Variants in ZMYM2 observed in about 807,000 individuals in gnomAD.
ZMYM2 encodes zinc finger MYM-type protein 2.
A neutral mutation model predicts 162.8 loss-of-function variants in ZMYM2; 56 were observed. That is an observed-to-expected ratio of 0.34 (90% CI 0.28 to 0.43). ZMYM2 has a LOEUF of 0.43. Among genes scored for constraint, ZMYM2 ranks in the 20% least tolerant of loss-of-function variants. The pLI, the probability that ZMYM2 is intolerant of heterozygous loss-of-function variation, is 1.00. For missense variants in ZMYM2, 1,275 were observed against 1,621.8 expected (o/e 0.79, Z 3.67); for synonymous variants, 510 against 541.6 (o/e 0.94, Z 0.81).
chr13:19,962,675 C>T (rs921797236), intron 2 of ZMYM2, among the ~76,000 whole-genome samples: 3 of 150,998 alleles, frequency 2.0e-5, no homozygotes, highest in African/African-American at 7.3e-5. Flanking sequence ...CAGGCATGCG[C>T]CACTGTGCCT....
At chr13:19,897,228 C>T in the ZMYM2 span, among the ~76,000 whole-genome samples, 6,785 of 152,050 alleles carry the variant, frequency 0.045, 220 homozygotes, top group African/African-American at 0.096. Context: ...AGTTATAAAA[C>T]ACACAGAAAA....
At chr13:19,988,689 A>C (rs941081281) in intron 2 of ZMYM2, among the ~76,000 whole-genome samples, 4 of 152,232 alleles carry the variant, frequency 2.6e-5, no homozygotes, top group African/African-American at 9.6e-5. Flanking sequence ...AGGCTGAGGC[A>C]GGAGAAGTGC....
chr13:19,999,953 A>G (rs542018795), intron 3 of ZMYM2, among the ~76,000 whole-genome samples: 5 of 152,136 alleles, frequency 3.3e-5, no homozygotes, highest in Admixed American at 3.3e-4. Flanking sequence ...ATGTGCCACC[A>G]TGCCTGGTTA....
the ZMYM2 span, among the ~76,000 whole-genome samples, chr13:19,922,234 G>C: frequency 6.6e-6 from 1 of 152,044 alleles, no homozygotes. Context: ...TTTTTAAAGG[G>C]GGAAAAAGGG....
chr13:19,928,524 C>T, the ZMYM2 span, among the ~76,000 whole-genome samples: 76 of 152,138 alleles, frequency 5.0e-4, no homozygotes, highest in East Asian at 0.014. Context: ...AGGCTGGGTG[C>T]GGGGGCTCAT....
At position 20,086,755 on chromosome 13, in the gene ZMYM2, G is replaced by GTATATA. The variant is rs1958289437; in HGVS notation, c.*744_*745insATATAT. 8.4e-6 allele frequency: 1 copy of GTATATA among 118,672 alleles called. No homozygotes were observed. The highest frequency in any genetic ancestry group is 1.7e-5 in the Non-Finnish European group (1 of 59,350). 7.4% of individuals were successfully genotyped at this position (118,672 alleles called of 1,614,324 possible). A position where few individuals can be genotyped will look rare whatever the true frequency, so the allele number is the denominator to read the frequency against. On this transcript the variant is annotated 3_prime_UTR_variant, in exon 25 of 25. Transcript: ENST00000610343. ...AACAAATATATATATGTATATATAT[G>GTATATA]TATGTATGTGTGTGTGTATATATAT...
chr13:20,048,405 A>G (rs563137884), intron 12 of ZMYM2, among the ~76,000 whole-genome samples: 8 of 152,024 alleles, frequency 5.3e-5, no homozygotes, highest in African/African-American at 1.4e-4. Flanking sequence ...ATAGTACCCA[A>G]TCACCTTTTA....
chr13:19,978,096 C>A (rs187749362), intron 2 of ZMYM2, among the ~76,000 whole-genome samples: 1 of 151,944 alleles, frequency 6.6e-6, no homozygotes, highest in Non-Finnish European at 1.5e-5. Context: ...GCAGGATGGT[C>A]TTGAACTCCT....
intron 7 of ZMYM2, among the ~76,000 whole-genome samples, chr13:20,024,035 A>G (rs982051476): frequency 1.3e-5 from 2 of 151,724 alleles, no homozygotes; most frequent in African/African-American, 4.8e-5. Flanking sequence ...CCCAGGTTCA[A>G]GTGATTCTTG....
chr13:19,970,906 CT>C (rs1165965746), intron 2 of ZMYM2, among the ~76,000 whole-genome samples: 1 of 152,006 alleles, frequency 6.6e-6, no homozygotes, highest in Non-Finnish European at 1.5e-5. Flanking sequence ...GCAGGAGGAT[CT>C]TTTCTTTGAA....
At chr13:19,915,289 C>T in the ZMYM2 span, among the ~76,000 whole-genome samples, 1 of 151,928 alleles carries the variant, frequency 6.6e-6, no homozygotes, top group African/African-American at 2.4e-5. Context: ...AGAGATAGAT[C>T]TCACTATGTT....
chr13:19,924,024 C>G, the ZMYM2 span, among the ~76,000 whole-genome samples: 1 of 151,956 alleles, frequency 6.6e-6, no homozygotes, highest in Non-Finnish European at 1.5e-5. Flanking sequence ...GACCATGGGA[C>G]CTTAATCATC....
the ZMYM2 span, among the ~76,000 whole-genome samples, chr13:19,952,670 A>C: frequency 2.6e-5 from 4 of 152,202 alleles, no homozygotes; most frequent in Admixed American, 6.5e-5. Context: ...AGGAACTCAG[A>C]GGAAAGGAAT....
the ZMYM2 span, among the ~76,000 whole-genome samples, chr13:19,928,623 C>A: frequency 6.6e-6 from 1 of 152,012 alleles, no homozygotes; most frequent in Non-Finnish European, 1.5e-5. Flanking sequence ...GTGGCAAAAC[C>A]TTGTCTCTAC....
chr13:19,981,979 T>G (rs1042927846), intron 2 of ZMYM2, among the ~76,000 whole-genome samples: 1 of 152,204 alleles, frequency 6.6e-6, no homozygotes, highest in Non-Finnish European at 1.5e-5. Flanking sequence ...CTTGGGTATC[T>G]TTTTATGAAA....
chr13:19,959,208 T>TGCCGGCCGCCCGGGGAGGTC (rs1387135376), intron 1 of ZMYM2, among the ~76,000 whole-genome samples: 1 of 132,248 alleles, frequency 7.6e-6, no homozygotes, highest in African/African-American at 2.8e-5. Context: ...GGGGCGGGGG[T>TGCCGGCCGCCCGGGGAGGTC]GCCGGCCGCC....
intron 5 of ZMYM2, 34 bp from the exon 6 acceptor site, chr13:20,006,339 TC>T: frequency 6.5e-7 from 1 of 1,527,900 alleles, no homozygotes; most frequent in African/African-American, 1.4e-5. Flanking sequence ...GTCAGATTGA[TC>T]TGTTTTGTAA....
chr13:19,959,495 CA>C (rs1006313993), intron 1 of ZMYM2, among the ~76,000 whole-genome samples: 156 of 152,224 alleles, frequency 1.0e-3, no homozygotes, highest in African/African-American at 3.4e-3. Flanking sequence ...TCGCCGACTG[CA>C]GGGGGGGGCA....
At chr13:19,883,877 C>T in the ZMYM2 span, among the ~76,000 whole-genome samples, 2 of 152,222 alleles carry the variant, frequency 1.3e-5, no homozygotes, top group East Asian at 3.8e-4. Context: ...CTGCCTCCGC[C>T]TCCCGCGTAG....
Sources: gnomAD v4.1 joint callset for allele counts (sites outside exome capture counted in the v4.1 genomes callset) on GRCh38, gnomAD v4.1.1 for gene constraint, MANE v1.5 for transcripts, NCBI Gene and HGNC (gene_info 2026-07-23, HGNC 2026-07-21) for gene names.